Variants in DPEP3 observed in about 807,000 individuals in gnomAD.
The protein encoded by DPEP3 is membrane-bound dipeptidase 3.
DPEP3 carries 42 observed loss-of-function variants against 47.5 expected under a neutral mutation model. The observed-to-expected ratio is 0.88, with a 90% CI of 0.69 to 1.14. The LOEUF (loss-of-function observed/expected upper bound fraction) is 1.14, where lower values mean the gene tolerates loss of function less well. DPEP3 is among the 50% of genes most tolerant of loss of function. The pLI is 0.00. For synonymous variants in DPEP3, 276 were observed against 270.2 expected (o/e 1.02, Z -0.21); for missense variants, 560 against 635.0 (o/e 0.88, Z 1.27).
rs1352144230 is a variant in DPEP3, at chr16:67,979,636, T to C, written c.414+3A>G. On this transcript the variant is annotated splice_donor_region_variant and intron_variant, in intron 2 of 9. Coordinates refer to ENST00000268793, the MANE Select transcript of DPEP3 (RefSeq NM_001370198.1). ...TGTGGCACCCTGTGTGTCCCTGTGG[T>C]ACCTGGGCACCCACGAGGCCGTCTC... 1 of 1,613,616 alleles carries C rather than the reference T, an allele frequency of 6.2e-7. No individual in the cohort carries two copies. Among genetic ancestry groups the C allele is most frequent in the Admixed American group, 1.7e-5 (1 of 60,004 alleles).
rs373429733 is a variant in DPEP3 at position 67,976,017 on chromosome 16, C to T, written c.1231-16G>A. 106 of 1,613,506 alleles carry T rather than the reference C, an allele frequency of 6.6e-5. No individual in the cohort carries two copies. In the Admixed American group the frequency reaches 1.0e-3, roughly 16 times the overall value. ...CCTCTCTCACCTGGGGGAGGAAGTC[C>T]GCAGTCAGAGGCTCCCACAGCAATC... On this transcript the variant is annotated splice_polypyrimidine_tract_variant and intron_variant, in intron 9 of 9. Transcript: ENST00000268793.
intron 7 of DPEP3, 22 bp from the exon 8 acceptor site, chr16:67,976,797 G>A (rs374576825): frequency 1.5e-4 from 248 of 1,607,356 alleles, no homozygotes; most frequent in Middle Eastern, 3.3e-4. Flanking sequence ...GTGAGGGTGG[G>A]CAGCACTAGG....
chr16:67,979,545 T>C, intron 2 of DPEP3, 94 bp downstream of exon 2: 4 of 1,554,064 alleles, frequency 2.6e-6, no homozygotes, highest in Non-Finnish European at 3.5e-6. Context: ...TGCCCCATTG[T>C]ATTTAGTCAC....
chr16:67,976,853 T>C (rs1202942856), intron 7 of DPEP3, 78 bp from the exon 8 acceptor site: 1 of 1,262,734 alleles, frequency 7.9e-7, no homozygotes, highest in Non-Finnish European at 1.1e-6. Context: ...CTCCAGGCTG[T>C]GGCAGTTGGC....
Position 67,978,394 on chromosome 16 carries a change from G to T in DPEP3, c.559C>A (p.Gln187Lys). The T allele has an allele frequency of 6.2e-7, 1 of 1,614,030 alleles. No individual in the cohort carries two copies. Residue 187 changes from glutamine (Q) to lysine (K), a missense_variant, in exon 4 of 10, where the codon CAA (glutamine) becomes AAA (lysine). By Grantham distance (53) the Gln-to-Lys change is moderately conservative. Coordinates refer to ENST00000268793, the MANE Select transcript of DPEP3 (RefSeq NM_001370198.1). The surrounding 1 kb of genome is among the most constrained non-coding windows in gnomAD (Gnocchi z 4.4). ...VTSAEGLNSS[Q>K]KLACLIGVEG... is the part of the protein sequence containing the mutation. ...ACGCCAATGAGGCAGGCCAGCTTTT[G>T]AGAGCTGTTCAGACCTAGAAGGAGG...
intron 6 of DPEP3, 58 bp downstream of exon 6, chr16:67,977,595 A>C: frequency 6.5e-7 from 1 of 1,545,830 alleles, no homozygotes; most frequent in South Asian, 1.2e-5. Flanking sequence ...CTTTGTGCTC[A>C]GGGTCAAGAA....
intron 2 of DPEP3, among the ~76,000 whole-genome samples, chr16:67,979,272 C>T (rs931241053): frequency 6.6e-6 from 1 of 152,190 alleles, no homozygotes; most frequent in Non-Finnish European, 1.5e-5. Flanking sequence ...TGCCACTGTA[C>T]TCCAGCCTGG....
intron 9 of DPEP3, 40 bp from the exon 10 acceptor site, chr16:67,976,041 T>TC: frequency 1.2e-6 from 2 of 1,613,506 alleles, no homozygotes; most frequent in Non-Finnish European, 1.7e-6. Flanking sequence ...CCCACAGCAA[T>TC]CCCCTCCCCT....
At position 67,978,518 on chromosome 16, in the gene DPEP3, C is replaced by T. The variant is rs752234473; in HGVS notation, c.523G>A (p.Glu175Lys). Residue 175 changes from glutamate to lysine, a missense_variant, in exon 3 of 10, where the codon GAG (glutamate) becomes AAG (lysine). By Grantham distance (56) the Glu-to-Lys change is moderately conservative (BLOSUM62 1). Coordinates refer to ENST00000268793, the MANE Select transcript of DPEP3 (RefSeq NM_001370198.1). This position sits in a 1 kb window ranked among gnomAD's most constrained non-coding sequence, Gnocchi z 4.4. ...CCACCTTCAGCTGAGGTCACAAGCTCGAGTTCAGAGTAGGAGGCACACATG... is the reference window on the plus strand; with the variant it reads ...CCACCTTCAGCTGAGGTCACAAGCTTGAGTTCAGAGTAGGAGGCACACATG... ...HRMCASYSEL[E>K]LVTSAEGLNS... 3.7e-6 allele frequency: 6 copies of T among 1,614,104 alleles called. No individual in the cohort carries two copies. The highest frequency in any genetic ancestry group is 3.3e-5 in the South Asian group (3 of 91,076).
intron 9 of DPEP3, 22 bp downstream of exon 9, chr16:67,976,071 C>T (rs778548034): frequency 6.2e-7 from 1 of 1,614,094 alleles, no homozygotes; most frequent in Non-Finnish European, 8.5e-7. Context: ...ACTGAACCAT[C>T]CTGTCCACCA....
chr16:67,975,836 C>G lies in DPEP3; in HGVS notation c.1396G>C (p.Ala466Pro). 6.2e-7 allele frequency: 1 copy of G among 1,613,914 alleles called. No individual in the cohort carries two copies. Among genetic ancestry groups the G allele is most frequent in the Non-Finnish European group, 8.5e-7 (1 of 1,179,842 alleles). Residue 466 changes from alanine (A) to proline (P), a missense_variant, in exon 10 of 10, where the codon GCC becomes CCC. Transcript: ENST00000268793. ...AGGCCTGGAACAAGGTATGGGGAGGCATTTGAGGACCTCCAGGGGACCCGA... is the reference window on the plus strand; with the variant it reads ...AGGCCTGGAACAAGGTATGGGGAGGGATTTGAGGACCTCCAGGGGACCCGA... The part of the protein sequence containing the change: ...TNRVPWRSSN[A>P]SPYLVPGLVA...
rs1407091407 is a variant in DPEP3, at chr16:67,979,672, C to T, written c.381G>A (p.Leu127=). Reference sequence around the variant, plus strand: ...CCACGAGGCCGTCTCTAAGCCTGTCCAGGCTGGTCTGACCATGGCTGAAAT... The same window carrying T: ...CCACGAGGCCGTCTCTAAGCCTGTCTAGGCTGGTCTGACCATGGCTGAAAT... The part of the protein sequence containing the change: ...LRNFSHGQTS[L]DRLRDGLVGA... The change falls in exon 2 of 10, where the codon CTG becomes CTA. Residue 127 remains leucine (L), a synonymous_variant. Coordinates refer to ENST00000268793, the MANE Select transcript of DPEP3 (RefSeq NM_001370198.1). The T allele has an allele frequency of 6.2e-7, 1 of 1,614,158 alleles. No homozygotes were observed. The highest frequency in any genetic ancestry group is 1.1e-5 in the South Asian group (1 of 91,086).
At position 67,978,333 on chromosome 16, in the gene DPEP3, A is replaced by G; in HGVS notation, c.620T>C (p.Val207Ala). 6.2e-7 allele frequency: 1 copy of G among 1,614,116 alleles called. No homozygotes were observed. Among genetic ancestry groups the G allele is most frequent in the Non-Finnish European group, 8.5e-7 (1 of 1,179,986 alleles). Residue 207 changes from valine to alanine, a missense_variant, in exon 4 of 10, where the codon GTG becomes GCG. Coordinates refer to ENST00000268793, the MANE Select transcript of DPEP3 (RefSeq NM_001370198.1). The surrounding 1 kb of genome is among the most constrained non-coding windows in gnomAD (Gnocchi z 4.4). ...CCCCAGCACATAGAAACTGCGCAGC[A>G]CAGAGAGGCTGCTGTCCAGTGAGTG... ...GGHSLDSSLS[V>A]LRSFYVLGVR...
At chr16:67,976,470 C>T (rs532712283) in intron 8 of DPEP3, among the ~76,000 whole-genome samples, 14 of 152,270 alleles carry the variant, frequency 9.2e-5, no homozygotes, top group East Asian at 3.9e-4. Flanking sequence ...ATGAGCCCTG[C>T]CTGCGGAGGG....
At position 67,978,268 on chromosome 16, in the gene DPEP3, A is replaced by G. The variant is rs201915242; in HGVS notation, c.685T>C (p.Trp229Arg). 19 of 1,614,144 alleles carry G rather than the reference A, an allele frequency of 1.2e-5. No homozygotes were observed. The African/African-American group carries it at 1.7e-4, about 15-fold the overall frequency. The change falls in exon 4 of 10, where the codon TGG (tryptophan) becomes CGG (arginine). Residue 229 changes from tryptophan (W) to arginine (R), a missense_variant and splice_region_variant. Transcript: ENST00000268793. The surrounding 1 kb of genome is among the most constrained non-coding windows in gnomAD (Gnocchi z 4.4). ...LTLTFTCSTP[W>R]AESSTKFRHH... Reference sequence around the variant, plus strand: ...ATCCTGGCCAGGTGTTATGCTCACCATGGTGTACTGCAGGTGAAGGTAAGT... The same window carrying G: ...ATCCTGGCCAGGTGTTATGCTCACCGTGGTGTACTGCAGGTGAAGGTAAGT...
chr16:67,978,746 A>T lies in DPEP3; in HGVS notation c.415-120T>A, dbSNP rs2031257789. 8.8e-7 allele frequency: 1 copy of T among 1,136,418 alleles called. No homozygotes were observed. The highest frequency in any genetic ancestry group is 1.3e-6 in the Non-Finnish European group (1 of 790,436). 70.4% of individuals were successfully genotyped at this position (1,136,418 alleles called of 1,614,324 possible). On this transcript the variant is annotated intron_variant, in intron 2 of 9. Coordinates refer to ENST00000268793, the MANE Select transcript of DPEP3 (RefSeq NM_001370198.1). This position sits in a 1 kb window ranked among gnomAD's most constrained non-coding sequence, Gnocchi z 4.4. Reference sequence around the variant, plus strand: ...GGTCAGTGGCCCCAAGTGAGGCACTACATGACTCCATGGTACCTTGATGAC... The same window carrying T: ...GGTCAGTGGCCCCAAGTGAGGCACTTCATGACTCCATGGTACCTTGATGAC...
At position 67,975,940 on chromosome 16, in the gene DPEP3, C is replaced by T; in HGVS notation, c.1292G>A (p.Ser431Asn). The change falls in exon 10 of 10, where the codon AGC becomes AAC. Residue 431 changes from serine to asparagine, a missense_variant. Coordinates refer to ENST00000268793, the MANE Select transcript of DPEP3 (RefSeq NM_001370198.1). ...VEAEFPYGQLSTSCHSHLVPQ... is the reference protein window; with the variant it reads ...VEAEFPYGQLNTSCHSHLVPQ... ...CACGAGGTGGGAGTGGCAGGATGTG[C>T]TCAGTTGCCCATATGGAAACTCAGC... The T allele has an allele frequency of 1.2e-6, 2 of 1,613,950 alleles. No homozygotes were observed. The highest frequency in any genetic ancestry group is 1.7e-6 in the Non-Finnish European group (2 of 1,179,876).
Position 67,979,750 on chromosome 16 carries a change from G to T in DPEP3, c.303C>A (p.Pro101=), listed in dbSNP as rs1394928238. ...TCTTGTAACGCTGTCTCAGGACCTGGGGCAGGTCATTGTGGCTGGGGGTGT... is the reference window on the plus strand; with the variant it reads ...TCTTGTAACGCTGTCTCAGGACCTGTGGCAGGTCATTGTGGCTGGGGGTGT... ...FPLVDGHNDL[P]QVLRQRYKNV... Residue 101 remains proline, a synonymous_variant, in exon 2 of 10, where the codon CCC becomes CCA. Coordinates refer to ENST00000268793, the MANE Select transcript of DPEP3 (RefSeq NM_001370198.1). The T allele has an allele frequency of 6.2e-7, 1 of 1,613,874 alleles. No homozygotes were observed. The highest frequency in any genetic ancestry group is 2.2e-5 in the East Asian group (1 of 44,884).
intron 2 of DPEP3, among the ~76,000 whole-genome samples, chr16:67,979,436 T>A (rs955340666): frequency 6.6e-6 from 1 of 152,238 alleles, no homozygotes; most frequent in African/African-American, 2.4e-5. Context: ...TTCTGGTCAT[T>A]TTCTGCGTGT....
Sources: gnomAD v4.1 joint callset for allele counts (sites outside exome capture counted in the v4.1 genomes callset) on GRCh38, gnomAD v4.1.1 for gene constraint, Gnocchi (gnomAD v3.1) non-coding constraint, MANE v1.5 for transcripts, NCBI Gene and HGNC (gene_info 2026-07-23, HGNC 2026-07-21) for gene names.